PRPF40B: variants seen among roughly 807,000 people sequenced by gnomAD.
The protein encoded by PRPF40B is pre-mRNA-processing factor 40 homolog B.
PRPF40B carries 56 observed loss-of-function variants against 124.5 expected under a neutral mutation model. The ratio of observed to expected loss-of-function variants is 0.45; its 90% CI spans 0.36 to 0.56. The LOEUF is 0.56. PRPF40B is among the 20% of genes least tolerant of loss of function. The pLI, the probability that PRPF40B is intolerant of heterozygous loss-of-function variation, is 0.00. For synonymous variants in PRPF40B, 443 were observed against 426.4 expected (o/e 1.04, Z -0.48); for missense variants, 1,053 against 1,169.5 (o/e 0.90, Z 1.45).
At chr12:49,641,642 T>C (rs1303390483) in intron 18 of PRPF40B, 9 of 450,720 alleles carry the variant, frequency 2.0e-5, no homozygotes, top group African/African-American at 3.9e-5. Flanking sequence ...AAAAGTTAAT[T>C]TTGAGAAACT....
chr12:49,637,489 A>T lies in PRPF40B; in HGVS notation c.1580A>T (p.His527Leu). The T allele has an allele frequency of 6.2e-7, 1 of 1,613,432 alleles. No individual in the cohort carries two copies. The highest frequency in any genetic ancestry group is 8.5e-7 in the Non-Finnish European group (1 of 1,179,880). Reference sequence around the variant, plus strand: ...GCTCAGACCTTCCTGGACGAGCTGCATGAGACAGGGCAGCTGCACTCTATG... The same window carrying T: ...GCTCAGACCTTCCTGGACGAGCTGCTTGAGACAGGGCAGCTGCACTCTATG... ...EAFQTFLDEL[H>L]ETGQLHSMST... The change falls in exon 17 of 26, where the codon CAT becomes CTT. Residue 527 changes from histidine to leucine, a missense_variant. By Grantham distance (99) the His-to-Leu change is moderately conservative. Transcript: ENST00000548825.
At chr12:49,623,633 C>T in intron 1 of PRPF40B, 40 bp downstream of exon 1, 1 of 1,230,414 alleles carries the variant, frequency 8.1e-7, no homozygotes. Flanking sequence ...TCGGGGCGGT[C>T]CCACAGCGCC....
chr12:49,623,399 C>CG (rs927724241), upstream of PRPF40B: 98 of 361,740 alleles, frequency 2.7e-4, no homozygotes, highest in Admixed American at 1.9e-3. Flanking sequence ...TTCTCCGTGC[C>CG]GGGGGGGCGG....
At chr12:49,634,187 GT>G (rs1941518728) in intron 10 of PRPF40B, 95 bp downstream of exon 10, 1 of 1,574,350 alleles carries the variant, frequency 6.4e-7, no homozygotes, top group Non-Finnish European at 8.6e-7. Flanking sequence ...CTCAGGAGGG[GT>G]TTGAAGATCT....
intron 6 of PRPF40B, 47 bp downstream of exon 6, chr12:49,632,927 G>A (rs372378205): frequency 1.9e-6 from 3 of 1,612,794 alleles, no homozygotes; most frequent in African/African-American, 2.7e-5. Context: ...GCCTGAGAGT[G>A]GGGGACTGAT....
chr12:49,633,555 G>A lies in PRPF40B; in HGVS notation c.580+8G>A. The stretch of plus-strand genomic sequence containing the variant: ...ATCTGGATGACCTAGAGGGTGAGAT[G>A]TCCTACGGGTGGGCCAGGTCAGGAG... On this transcript the variant is annotated splice_region_variant and intron_variant, in intron 8 of 25. Transcript: ENST00000548825. The A allele has an allele frequency of 6.2e-7, 1 of 1,614,256 alleles. No homozygotes were observed. The highest frequency in any genetic ancestry group is 8.5e-7 in the Non-Finnish European group (1 of 1,180,050).
At chr12:49,632,676 G>A in intron 5 of PRPF40B, 53 bp downstream of exon 5, 2 of 1,607,880 alleles carry the variant, frequency 1.2e-6, no homozygotes, top group Non-Finnish European at 1.7e-6. Context: ...GGGGGCATAG[G>A]GGAGAGGGGA....
chr12:49,632,835 A>G lies in PRPF40B; in HGVS notation c.323-20A>G, dbSNP rs376640910. 6 of 1,613,940 alleles carry G rather than the reference A, an allele frequency of 3.7e-6. No individual in the cohort carries two copies. The South Asian group carries it at 5.5e-5, about 15-fold the overall frequency. On this transcript the variant is annotated intron_variant, in intron 5 of 25. Transcript: ENST00000548825. ...AGGTCGGAGCAAGGACTTAGTATGT[A>G]TCCTTTGGCTTTTTTCTAGCTGCTG... is the stretch of plus-strand genomic sequence containing the variant.
Position 49,642,822 on chromosome 12 carries a change from G to A in PRPF40B, c.2119-108G>A, listed in dbSNP as rs1195049166. 2 of 1,436,510 alleles carry A rather than the reference G, an allele frequency of 1.4e-6. No homozygotes were observed. The highest frequency in any genetic ancestry group is 1.2e-5 in the South Asian group (1 of 80,800). The allele number at this position is 1,436,510 out of a possible 1,614,324, so 89.0% of individuals were successfully genotyped here. ...GGCCTGAGGATCCCTGGGATAGGCAGAAGGCTCTAGTCTGAGAAAGGGAGG... is the reference window on the plus strand; with the variant it reads ...GGCCTGAGGATCCCTGGGATAGGCAAAAGGCTCTAGTCTGAGAAAGGGAGG... On this transcript the variant is annotated intron_variant, in intron 21 of 25. Coordinates refer to ENST00000548825, the MANE Select transcript of PRPF40B (RefSeq NM_001031698.3). This position sits in a 1 kb window ranked among gnomAD's most constrained non-coding sequence, Gnocchi z 5.8.
In PRPF40B at chr12:49,635,708, C is replaced by T; in HGVS notation, c.1276-135C>T. 1 of 1,097,412 alleles carries T rather than the reference C, an allele frequency of 9.1e-7. No individual in the cohort carries two copies. The highest frequency in any genetic ancestry group is 1.3e-6 in the Non-Finnish European group (1 of 767,924). 68.0% of individuals were successfully genotyped at this position (1,097,412 alleles called of 1,614,324 possible). ...CTGTAACCTGTACTCCCTCCCCTTC[C>T]CTGAGACATGAAAGTCTTGAGTATG... On this transcript the variant is annotated intron_variant, in intron 14 of 25. Coordinates refer to ENST00000548825, the MANE Select transcript of PRPF40B (RefSeq NM_001031698.3). This position sits in a 1 kb window ranked among gnomAD's most constrained non-coding sequence, Gnocchi z 4.1.
Position 49,644,099 on chromosome 12 carries a change from G to A in PRPF40B, c.2587-1G>A. On this transcript the variant is annotated splice_acceptor_variant, in intron 25 of 25. Coordinates refer to ENST00000548825, the MANE Select transcript of PRPF40B (RefSeq NM_001031698.3). LOFTEE classifies it high-confidence loss of function. Reference sequence around the variant, plus strand: ...GGTGAACTGTGCCTTTGCTCCAACAGACAGGCTGGGACACGTCAGAAAGTG... The same window carrying A: ...GGTGAACTGTGCCTTTGCTCCAACAAACAGGCTGGGACACGTCAGAAAGTG... 6.2e-7 allele frequency: 1 copy of A among 1,614,192 alleles called. No homozygotes were observed. Among genetic ancestry groups the A allele is most frequent in the Non-Finnish European group, 8.5e-7 (1 of 1,180,040 alleles).
In PRPF40B at chr12:49,635,038, G is replaced by A. The variant is rs1436122600; in HGVS notation, c.1002-61G>A. On this transcript the variant is annotated intron_variant, in intron 12 of 25. Transcript: ENST00000548825. This position sits in a 1 kb window ranked among gnomAD's most constrained non-coding sequence, Gnocchi z 4.1. ...AGTGTCTCATGACCCTCCAGTGTGGGCTGTGCAGAGTGGTTCGGGTGACTT... is the reference window on the plus strand; with the variant it reads ...AGTGTCTCATGACCCTCCAGTGTGGACTGTGCAGAGTGGTTCGGGTGACTT... The A allele has an allele frequency of 1.3e-6, 2 of 1,497,274 alleles. No homozygotes were observed. The highest frequency in any genetic ancestry group is 2.8e-5 in the African/African-American group (2 of 71,676). The allele number at this position is 1,497,274 out of a possible 1,614,324, so 92.7% of individuals were successfully genotyped here.
At chr12:49,632,175 A>G in intron 4 of PRPF40B, 1 of 601,386 alleles carries the variant, frequency 1.7e-6, no homozygotes, top group Non-Finnish European at 3.0e-6. Context: ...TAAGGAGCAC[A>G]CTTATCCTCA....
chr12:49,641,284 G>T (rs952835153), intron 18 of PRPF40B: 1 of 152,320 alleles, frequency 6.6e-6, no homozygotes, highest in African/African-American at 2.4e-5. Context: ...ATCTGGGTGG[G>T]TGTGGTGCTT....
intron 18 of PRPF40B, chr12:49,640,002 C>T (rs1169172982): frequency 6.6e-6 from 1 of 152,196 alleles, no homozygotes; most frequent in Non-Finnish European, 1.5e-5. Context: ...GGGGCCTATC[C>T]TCACTGAGTC....
At position 49,642,799 on chromosome 12, in the gene PRPF40B, C is replaced by T. The variant is rs1174956597; in HGVS notation, c.2118+124C>T. On this transcript the variant is annotated intron_variant, in intron 21 of 25. Coordinates refer to ENST00000548825, the MANE Select transcript of PRPF40B (RefSeq NM_001031698.3). The surrounding 1 kb of genome is among the most constrained non-coding windows in gnomAD (Gnocchi z 5.8). ...TCCTGGCCAGCTAAGGAAGGGGAGG[C>T]CTGAGGATCCCTGGGATAGGCAGAA... 61 of 1,415,030 alleles carry T rather than the reference C, an allele frequency of 4.3e-5. No homozygotes were observed. The East Asian group carries it at 1.5e-3, about 35-fold the overall frequency. 87.7% of individuals were successfully genotyped at this position (1,415,030 alleles called of 1,614,324 possible).
At position 49,643,842 on chromosome 12, in the gene PRPF40B, G is replaced by C; in HGVS notation, c.2443-19G>C. On this transcript the variant is annotated intron_variant, in intron 24 of 25. Transcript: ENST00000548825. Reference sequence around the variant, plus strand: ...GGCTATCCACAGGAACTGAGGAGGTGGGCTCTGGACTCTTACAGAATAGTC... The same window carrying C: ...GGCTATCCACAGGAACTGAGGAGGTCGGCTCTGGACTCTTACAGAATAGTC... The C allele has an allele frequency of 1.2e-6, 2 of 1,614,126 alleles. No individual in the cohort carries two copies. The highest frequency in any genetic ancestry group is 1.7e-6 in the Non-Finnish European group (2 of 1,179,996).
chr12:49,635,447 C>G lies in PRPF40B; in HGVS notation c.1249C>G (p.Leu417Val), dbSNP rs1941680747. The G allele has an allele frequency of 6.2e-7, 1 of 1,613,700 alleles. No homozygotes were observed. The highest frequency in any genetic ancestry group is 1.7e-5 in the Admixed American group (1 of 59,942). The change falls in exon 14 of 26, where the codon CTC (leucine) becomes GTC (valine). Residue 417 changes from leucine (L) to valine (V), a missense_variant. Leu to Val is a conservative substitution (Grantham distance 32). This residue lies in a region of PRPF40B where 895 missense variants were observed against 1,052.2 expected (regional missense o/e 0.85). Transcript: ENST00000548825. This position sits in a 1 kb window ranked among gnomAD's most constrained non-coding sequence, Gnocchi z 4.1. ...RDRKEVYDDV[L>V]FFLAKKEKEQ... ...TCGAAAAGAGGTTTATGATGATGTC[C>G]TCTTCTTCCTGGCCAAGAAGGAGAA...
chr12:49,630,026 A>G (rs1941072575), intron 1 of PRPF40B, among the ~76,000 whole-genome samples: 1 of 152,242 alleles, frequency 6.6e-6, no homozygotes, highest in South Asian at 2.1e-4. Context: ...TGAAGAGATG[A>G]GAATTAGGGA....
Sources: allele counts gnomAD v4.1 joint callset (sites outside exome capture counted in the v4.1 genomes callset), GRCh38; gene constraint gnomAD v4.1.1; regional missense constraint gnomAD v4.1.1; non-coding constraint Gnocchi (gnomAD v3.1); transcripts MANE v1.5; gene names NCBI Gene and HGNC (gene_info 2026-07-23, HGNC 2026-07-21).